Variants in PDZRN4 observed in about 807,000 individuals in gnomAD.
PDZRN4 encodes the protein PDZ domain-containing RING finger protein 4.
A neutral mutation model predicts 99.0 loss-of-function variants in PDZRN4; 70 were observed. The observed-to-expected ratio is 0.71, with a 90% CI of 0.58 to 0.86. PDZRN4 has a LOEUF of 0.86. Among genes scored for constraint, PDZRN4 ranks in the 40% least tolerant of loss-of-function variants. The pLI is 0.00. For missense variants in PDZRN4, 1,474 were observed against 1,331.2 expected (o/e 1.11, Z -1.67); for synonymous variants, 551 against 501.6 (o/e 1.10, Z -1.32).
intron 3 of PDZRN4, among the ~76,000 whole-genome samples, chr12:41,418,271 C>A (rs76892813): frequency 6.6e-6 from 1 of 152,132 alleles, no homozygotes; most frequent in Admixed American, 6.6e-5. Context: ...TTTCATTCTA[C>A]GGAACATTAA....
intron 3 of PDZRN4, among the ~76,000 whole-genome samples, chr12:41,436,811 T>G (rs1358194422): frequency 6.6e-6 from 1 of 152,250 alleles, no homozygotes. Context: ...TGTTCACCTT[T>G]GATCATTATG....
chr12:41,557,326 G>C (rs1205632930), intron 7 of PDZRN4, among the ~76,000 whole-genome samples: 2 of 152,202 alleles, frequency 1.3e-5, no homozygotes, highest in African/African-American at 2.4e-5. Context: ...GGAGCGATAA[G>C]CTGTTAAAAC....
intron 3 of PDZRN4, among the ~76,000 whole-genome samples, chr12:41,211,670 A>C (rs1004626971): frequency 2.0e-5 from 3 of 151,978 alleles, no homozygotes; most frequent in African/African-American, 7.2e-5. Flanking sequence ...CCGATTTGAT[A>C]ATTGGACTGT....
intron 3 of PDZRN4, among the ~76,000 whole-genome samples, chr12:41,454,911 C>A (rs1055418241): frequency 6.6e-6 from 1 of 152,180 alleles, no homozygotes; most frequent in African/African-American, 2.4e-5. Context: ...TAGCCACTAG[C>A]CACATAGGAC....
intron 3 of PDZRN4, among the ~76,000 whole-genome samples, chr12:41,484,382 C>T (rs758609514): frequency 6.6e-6 from 1 of 152,168 alleles, no homozygotes. Context: ...AACCTTAGTG[C>T]CTTTTGGCAT....
At chr12:41,315,066 G>A (rs1951629845) in intron 3 of PDZRN4, among the ~76,000 whole-genome samples, 1 of 151,982 alleles carries the variant, frequency 6.6e-6, no homozygotes, top group South Asian at 2.1e-4. Flanking sequence ...TAAATGTTCA[G>A]GGAAATTCAT....
intron 3 of PDZRN4, chr12:41,409,933 C>T (rs1952382177): frequency 6.6e-6 from 1 of 152,176 alleles, no homozygotes; most frequent in African/African-American, 2.4e-5. Flanking sequence ...TGTGTCTTCA[C>T]AGGGCTATCT....
chr12:41,276,849 T>C (rs1951352910), intron 3 of PDZRN4, among the ~76,000 whole-genome samples: 1 of 152,194 alleles, frequency 6.6e-6, no homozygotes, highest in Non-Finnish European at 1.5e-5. Context: ...CCTATATTTG[T>C]CTGGATAAAC....
intron 3 of PDZRN4, among the ~76,000 whole-genome samples, chr12:41,335,395 A>G (rs1217023376): frequency 1.3e-5 from 2 of 151,960 alleles, no homozygotes; most frequent in African/African-American, 4.8e-5. Context: ...GGTATTTGCT[A>G]TCATTCTATG....
At chr12:41,470,607 C>A (rs747025545) in intron 3 of PDZRN4, among the ~76,000 whole-genome samples, 30 of 152,052 alleles carry the variant, frequency 2.0e-4, no homozygotes, top group Admixed American at 2.0e-3. Flanking sequence ...CCCATTAACT[C>A]GTCATTTAGC....
chr12:41,327,530 G>T (rs948617000), intron 3 of PDZRN4, among the ~76,000 whole-genome samples: 2 of 152,180 alleles, frequency 1.3e-5, no homozygotes, highest in Non-Finnish European at 2.9e-5. Flanking sequence ...GGAGAGGCCT[G>T]TTCAATTTGA....
At position 41,572,509 on chromosome 12, in the gene PDZRN4, C is replaced by T; in HGVS notation, c.1730C>T (p.Pro577Leu). 6.2e-7 allele frequency: 1 copy of T among 1,613,998 alleles called. No individual in the cohort carries two copies. The highest frequency in any genetic ancestry group is 1.1e-5 in the South Asian group (1 of 91,060). The change falls in exon 10 of 10, where the codon CCC becomes CTC. Residue 577 changes from proline (P) to leucine (L), a missense_variant. By Grantham distance (98) the Pro-to-Leu change is moderately conservative. Transcript: ENST00000402685. ...SSEQENAAED[P>L]NSTSLKSKRD... is the part of the protein sequence containing the mutation. Reference sequence around the variant, plus strand: ...GAGCAGGAGAATGCAGCCGAGGACCCCAATAGCACATCTTTGAAGAGCAAG... The same window carrying T: ...GAGCAGGAGAATGCAGCCGAGGACCTCAATAGCACATCTTTGAAGAGCAAG...
intron 3 of PDZRN4, among the ~76,000 whole-genome samples, chr12:41,223,460 A>T (rs1447351359): frequency 6.6e-6 from 1 of 152,148 alleles, no homozygotes; most frequent in Non-Finnish European, 1.5e-5. Context: ...GGACACAAAG[A>T]TGAATAACAT....
chr12:41,313,742 T>C (rs528266375), intron 3 of PDZRN4, among the ~76,000 whole-genome samples: 1 of 152,342 alleles, frequency 6.6e-6, no homozygotes, highest in African/African-American at 2.4e-5. Context: ...CAGGTACAAG[T>C]CAGAGGCAGG....
chr12:41,306,478 A>T (rs971379864), intron 3 of PDZRN4, among the ~76,000 whole-genome samples: 1 of 152,110 alleles, frequency 6.6e-6, no homozygotes, highest in Non-Finnish European at 1.5e-5. Flanking sequence ...ATCTCCCTCC[A>T]TCCCCTTCAG....
intron 3 of PDZRN4, among the ~76,000 whole-genome samples, chr12:41,294,722 A>T (rs1032260097): frequency 1.3e-5 from 2 of 152,168 alleles, no homozygotes; most frequent in Non-Finnish European, 2.9e-5. Flanking sequence ...AGAGCTTTGC[A>T]TACTATAAAC....
In PDZRN4 at chr12:41,302,305, C is replaced by T. The variant is rs1026563182; in HGVS notation, c.843+108117C>T. Among the ~76,000 whole-genome samples, 3 of 152,116 alleles carry T rather than the reference C, an allele frequency of 2.0e-5. No homozygotes were observed. In the East Asian group the frequency reaches 5.8e-4, roughly 29 times the overall value. On this transcript the variant is annotated intron_variant, in intron 3 of 9. Coordinates refer to ENST00000402685, the MANE Select transcript of PDZRN4 (RefSeq NM_001164595.2). ...ATATTTTATTATTAAAATCATATAGCCACAATCACCACTTGTTAAAATGAA... is the reference window on the plus strand; with the variant it reads ...ATATTTTATTATTAAAATCATATAGTCACAATCACCACTTGTTAAAATGAA...
intron 3 of PDZRN4, among the ~76,000 whole-genome samples, chr12:41,220,920 C>T (rs1022852310): frequency 1.3e-5 from 2 of 152,146 alleles, no homozygotes; most frequent in Admixed American, 1.3e-4. Context: ...ACATACACTG[C>T]CTATAACCCA....
chr12:41,315,475 A>G (rs1407097594), intron 3 of PDZRN4, among the ~76,000 whole-genome samples: 1 of 152,190 alleles, frequency 6.6e-6, no homozygotes, highest in Non-Finnish European at 1.5e-5. Context: ...CCTGTTTTTG[A>G]GTAAAATATA....
Sources: allele counts gnomAD v4.1 joint callset (sites outside exome capture counted in the v4.1 genomes callset), GRCh38; gene constraint gnomAD v4.1.1; transcripts MANE v1.5; gene names NCBI Gene and HGNC (gene_info 2026-07-23, HGNC 2026-07-21).